The following OTUD7A variants were observed in gnomAD, a reference collection of about 807,000 sequenced individuals.
OTUD7A encodes the protein OTU deubiquitinase 7A.
A neutral mutation model predicts 65.7 loss-of-function variants in OTUD7A; 12 were observed. The observed-to-expected ratio is 0.18, with a 90% CI of 0.12 to 0.30. OTUD7A has a LOEUF of 0.30. Ranked by LOEUF, OTUD7A falls within the 10% of genes least tolerant of loss-of-function variation. OTUD7A has a pLI of 1.00. For missense variants in OTUD7A, 1,148 were observed against 1,304.8 expected (o/e 0.88, Z 1.85); for synonymous variants, 641 against 586.3 (o/e 1.09, Z -1.35).
intron 1 of OTUD7A, among the ~76,000 whole-genome samples, chr15:31,822,005 T>A (rs989682787): frequency 7.2e-5 from 11 of 152,262 alleles, no homozygotes; most frequent in Non-Finnish European, 1.5e-4. Context: ...ATTCTGGATA[T>A]GAGTTCCTTA....
At chr15:31,502,827 G>A (rs1461388089) in intron 9 of OTUD7A, among the ~76,000 whole-genome samples, 2 of 152,240 alleles carry the variant, frequency 1.3e-5, no homozygotes, top group East Asian at 1.9e-4. Flanking sequence ...ACAGGGAAGG[G>A]GGTGGGCCAG....
intron 1 of OTUD7A, among the ~76,000 whole-genome samples, chr15:31,778,130 T>C (rs578020416): frequency 6.6e-6 from 1 of 152,134 alleles, no homozygotes; most frequent in Admixed American, 6.5e-5. Context: ...CAGAGAGTAA[T>C]TCTAAGGACA....
intron 1 of OTUD7A, among the ~76,000 whole-genome samples, chr15:31,798,901 T>C (rs1279616526): frequency 6.6e-6 from 1 of 152,166 alleles, no homozygotes; most frequent in Non-Finnish European, 1.5e-5. Flanking sequence ...CTCCTCTTTT[T>C]GCAGGGAGCT....
rs1891461074 is a variant in OTUD7A at position 31,639,930 on chromosome 15, T to A, written c.151+15166A>T. On this transcript the variant is annotated intron_variant, in intron 3 of 12. Transcript: ENST00000307050. ...AGAAACAAGTACTTTACCAGATATATGATTTGCAGTATTTTCTTCCAACTT... is the reference window on the plus strand; with the variant it reads ...AGAAACAAGTACTTTACCAGATATAAGATTTGCAGTATTTTCTTCCAACTT... Among the ~76,000 whole-genome samples, 8 of 152,256 alleles carry A rather than the reference T, an allele frequency of 5.3e-5. No homozygotes were observed. In the South Asian group the frequency reaches 1.7e-3, roughly 31 times the overall value.
intron 1 of OTUD7A, among the ~76,000 whole-genome samples, chr15:31,858,624 A>G (rs1447224412): frequency 1.3e-5 from 2 of 152,216 alleles, no homozygotes; most frequent in Non-Finnish European, 2.9e-5. Flanking sequence ...CACAGAAGAC[A>G]GCAAGCCTAG....
chr15:31,495,799 C>T (rs2041374275), intron 10 of OTUD7A, among the ~76,000 whole-genome samples: 1 of 152,192 alleles, frequency 6.6e-6, no homozygotes, highest in Non-Finnish European at 1.5e-5. Context: ...GGCGTAGTGG[C>T]TCACACCTGT....
Position 31,484,694 on chromosome 15 carries a change from C to A in OTUD7A, c.1402G>T (p.Ala468Ser). 6.3e-7 allele frequency: 1 copy of A among 1,585,324 alleles called. No individual in the cohort carries two copies. Among genetic ancestry groups the A allele is most frequent in the African/African-American group, 1.3e-5 (1 of 74,836 alleles). The change falls in exon 13 of 13, where the codon GCC becomes TCC. Residue 468 changes from alanine (A) to serine (S), a missense_variant. Physicochemically the swap from Ala to Ser is moderately conservative, Grantham distance 99. Coordinates refer to ENST00000307050, the MANE Select transcript of OTUD7A (RefSeq NM_001382637.1). This position sits in a 1 kb window ranked among gnomAD's most constrained non-coding sequence, Gnocchi z 4.5. The stretch of plus-strand genomic sequence containing the variant: ...GACTGCACGTCCTCCCCTGCCGAGG[C>A]CGTGGGAGACTCCGGCTGTGCCAGG... ...APLAQPESPT[A>S]SAGEDVQSLA...
Position 31,484,415 on chromosome 15 carries a change from C to G in OTUD7A, c.1681G>C (p.Gly561Arg). The change falls in exon 13 of 13, where the codon GGG becomes CGG. Residue 561 changes from glycine to arginine, a missense_variant. Physicochemically the swap from Gly to Arg is moderately radical, Grantham distance 125. Transcript: ENST00000307050. The surrounding 1 kb of genome is among the most constrained non-coding windows in gnomAD (Gnocchi z 4.5). ...GRANSANGKN[G>R]DSAERGKEKK... ...TCCTTGCCCCGCTCGGCCGAGTCCC[C>G]GTTCTTGCCATTGGCGGAGTTGGCG... The G allele has an allele frequency of 1.9e-6, 3 of 1,602,254 alleles. No homozygotes were observed. Among genetic ancestry groups the G allele is most frequent in the Non-Finnish European group, 2.5e-6 (3 of 1,179,866 alleles).
In OTUD7A at chr15:31,579,700, GTATGTATA is replaced by G. The variant is rs567407486; in HGVS notation, c.152-9511_152-9504del. Among the ~76,000 whole-genome samples, 332 of 152,322 alleles carry G rather than the reference GTATGTATA, an allele frequency of 2.2e-3. 3 individuals are homozygous for G. The highest frequency in any genetic ancestry group is 7.3e-3 in the African/African-American group (305 of 41,568). ...GGCTATTGTATGTATGTGCATGTGT[GTATGTATA>G]TATGTATATATGCACATGTATACAC... is the stretch of plus-strand genomic sequence containing the variant. On this transcript the variant is annotated intron_variant, in intron 3 of 12. Transcript: ENST00000307050.
chr15:31,867,076 A>G (rs1265718913), intron 1 of OTUD7A, among the ~76,000 whole-genome samples: 1 of 152,130 alleles, frequency 6.6e-6, no homozygotes, highest in Admixed American at 6.5e-5. Context: ...TGACCATCTA[A>G]GCATGGGAAA....
rs202133778 is a variant in OTUD7A, at chr15:31,703,313, G to T, written c.-99-46236C>A. 3.9e-5 allele frequency among the ~76,000 whole-genome samples: 6 copies of T among 152,218 alleles called. No homozygotes were observed. In the East Asian group the frequency reaches 1.2e-3, roughly 29 times the overall value. ...TAAAAAGACCAGCTACTGACTGGGA[G>T]AAAATATTTGCAAACCATGTATCTG... On this transcript the variant is annotated intron_variant, in intron 1 of 12. Transcript: ENST00000307050.
rs549471137 is a variant in OTUD7A at position 31,487,129 on chromosome 15, G to T, written c.1371+65C>A. ...GGAGCATTTGGGAGGATGCACCCTG[G>T]TCAGACTGGAGCTGAGCAGCCTGGA... On this transcript the variant is annotated intron_variant, in intron 12 of 12. Transcript: ENST00000307050. This position sits in a 1 kb window ranked among gnomAD's most constrained non-coding sequence, Gnocchi z 6.0. The T allele has an allele frequency of 4.9e-5, 74 of 1,496,200 alleles. No homozygotes were observed. The African/African-American group carries it at 9.9e-4, about 20-fold the overall frequency. The allele number at this position is 1,496,200 out of a possible 1,614,324, so 92.7% of individuals were successfully genotyped here. A position where few individuals can be genotyped will look rare whatever the true frequency, so the allele number is the denominator to read the frequency against.
At chr15:31,488,933 C>T (rs931957088) in intron 10 of OTUD7A, among the ~76,000 whole-genome samples, 4 of 152,216 alleles carry the variant, frequency 2.6e-5, no homozygotes, top group African/African-American at 9.6e-5. Context: ...AAGTGCAGTG[C>T]TCTGATTTGA....
At position 31,760,747 on chromosome 15, in the gene OTUD7A, C is replaced by T. The variant is rs138938626; in HGVS notation, c.-99-103670G>A. Among the ~76,000 whole-genome samples, 490 of 152,116 alleles carry T rather than the reference C, an allele frequency of 3.2e-3. 3 individuals are homozygous for T. The highest frequency in any genetic ancestry group is 0.011 in the African/African-American group (446 of 41,504). Reference sequence around the variant, plus strand: ...GGAAATTCAAGGGATTGAGAATAGCCAGGATAATCTCGAAAAACAAAGGAG... The same window carrying T: ...GGAAATTCAAGGGATTGAGAATAGCTAGGATAATCTCGAAAAACAAAGGAG... On this transcript the variant is annotated intron_variant, in intron 1 of 12. Transcript: ENST00000307050.
chr15:31,483,868 C>G lies in OTUD7A; in HGVS notation c.2228G>C (p.Arg743Pro). 1 of 987,330 alleles carries G rather than the reference C, an allele frequency of 1.0e-6. No individual in the cohort carries two copies. The highest frequency in any genetic ancestry group is 1.2e-6 in the Non-Finnish European group (1 of 833,050). 61.2% of individuals were successfully genotyped at this position (987,330 alleles called of 1,614,324 possible). ...GGAGGCCGTGCCGCCCGCCGCCGCC[C>G]GCGCCGCACGCCCTGCCGCGGGCCC... ...SPGPAAGRAA[R>P]AAAGGTASPG... is the part of the protein sequence containing the mutation. The change falls in exon 13 of 13, where the codon CGG (arginine) becomes CCG (proline). Residue 743 changes from arginine to proline, a missense_variant. Arg to Pro is a moderately radical substitution (Grantham distance 103). This residue lies in a region of OTUD7A where 842 missense variants were observed against 769.5 expected (regional missense o/e 1.09). Transcript: ENST00000307050.
chr15:31,484,313 T>A lies in OTUD7A; in HGVS notation c.1783A>T (p.Thr595Ser). Residue 595 changes from threonine (T) to serine (S), a missense_variant, in exon 13 of 13, where the codon ACG becomes TCG. Physicochemically the swap from Thr to Ser is moderately conservative, Grantham distance 58. Transcript: ENST00000307050. The surrounding 1 kb of genome is among the most constrained non-coding windows in gnomAD (Gnocchi z 4.5). ...GCTGCCTTGTCTGTGGGCGACGGCGTGGTCTTTTCCGACGGCGACGTGCTG... is the reference window on the plus strand; with the variant it reads ...GCTGCCTTGTCTGTGGGCGACGGCGAGGTCTTTTCCGACGGCGACGTGCTG... ...SASTSPSEKT[T>S]PSPTDKAAGA... 1 of 1,598,062 alleles carries A rather than the reference T, an allele frequency of 6.3e-7. No individual in the cohort carries two copies.
intron 1 of OTUD7A, among the ~76,000 whole-genome samples, chr15:31,804,434 C>G (rs905437): frequency 0.34 from 51,692 of 151,976 alleles, 9,270 homozygotes; most frequent in South Asian, 0.56. Context: ...TCAGGGCTGG[C>G]TCCCTCCTCC....
intron 1 of OTUD7A, among the ~76,000 whole-genome samples, chr15:31,759,045 G>A (rs938043698): frequency 1.3e-5 from 2 of 152,142 alleles, no homozygotes; most frequent in Non-Finnish European, 2.9e-5. Context: ...CTCGTGGGTT[G>A]TCAATCTTAA....
At chr15:31,559,296 C>T in intron 4 of OTUD7A, 109 bp from the exon 5 acceptor site, 1 of 1,029,436 alleles carries the variant, frequency 9.7e-7, no homozygotes, top group East Asian at 2.6e-5. Context: ...CACAGGTACA[C>T]ATTCATGCAC....
Sources: allele counts gnomAD v4.1 joint callset (sites outside exome capture counted in the v4.1 genomes callset), GRCh38; gene constraint gnomAD v4.1.1; regional missense constraint gnomAD v4.1.1; non-coding constraint Gnocchi (gnomAD v3.1); transcripts MANE v1.5; gene names NCBI Gene and HGNC (gene_info 2026-07-23, HGNC 2026-07-21).